CAPS2: variants seen among roughly 807,000 people sequenced by gnomAD.
CAPS2 encodes calcyphosine 2.
CAPS2 carries 98 observed loss-of-function variants against 86.5 expected under a neutral mutation model. The observed-to-expected ratio is 1.13, with a 90% CI of 0.96 to 1.34. The LOEUF is 1.34. Ranked by LOEUF, CAPS2 falls within the 40% of genes most tolerant of loss-of-function variation. The pLI, the probability that CAPS2 is intolerant of heterozygous loss-of-function variation, is 0.00. For synonymous variants in CAPS2, 210 were observed against 225.1 expected (o/e 0.93, Z 0.60); for missense variants, 729 against 686.8 (o/e 1.06, Z -0.69).
At position 75,364,651 on chromosome 12, in the gene CAPS2, C is replaced by T. The variant is rs565690407; in HGVS notation, c.-395+26187G>A. On this transcript the variant is annotated intron_variant, in intron 1 of 5. Transcript: ENST00000551829. ...AATTAACTTATCTTTAACTTCTATA[C>T]ATTGAGCTGCTGTAATCTTGGTTTT... is the stretch of plus-strand genomic sequence containing the variant. Among the ~76,000 whole-genome samples the T allele has an allele frequency of 3.3e-5, 5 of 152,322 alleles. No homozygotes were observed. The South Asian group carries it at 8.3e-4, about 25-fold the overall frequency.
chr12:75,331,369 G>T (rs1351884580), upstream of CAPS2, among the ~76,000 whole-genome samples: 1 of 151,984 alleles, frequency 6.6e-6, no homozygotes. Flanking sequence ...AGTATTTCCT[G>T]GTGCAAATTT....
intron 4 of CAPS2, chr12:75,322,969 C>T (rs2139024790): frequency 1.4e-6 from 2 of 1,396,140 alleles, no homozygotes; most frequent in Middle Eastern, 3.5e-4. Flanking sequence ...CAAATAAATA[C>T]TAACCAATTT....
At chr12:75,276,617 T>C, downstream of CAPS2, 1 of 898,800 alleles carries the variant, frequency 1.1e-6, no homozygotes, top group Non-Finnish European at 1.3e-6. Context: ...TAGCTTAAAA[T>C]TCCTATATAA....
intron 15 of CAPS2, 81 bp downstream of exon 15, chr12:75,284,880 G>T: frequency 1.6e-6 from 2 of 1,253,740 alleles, no homozygotes; most frequent in Non-Finnish European, 1.1e-6. Context: ...ACTTTTAAAT[G>T]GTAATTCATT....
intron 1 of CAPS2, among the ~76,000 whole-genome samples, chr12:75,326,214 T>G (rs1015541108): frequency 2.6e-5 from 4 of 152,160 alleles, no homozygotes; most frequent in Admixed American, 6.6e-5. Flanking sequence ...ACAATAAGTT[T>G]AATTTTAAAA....
intron 1 of CAPS2, among the ~76,000 whole-genome samples, chr12:75,377,466 A>T (rs962532066): frequency 1.9e-4 from 29 of 152,194 alleles, no homozygotes; most frequent in African/African-American, 7.0e-4. Context: ...AAAAGTCAGG[A>T]AGCCCACAAT....
At chr12:75,290,778 C>T (rs541534491) in intron 13 of CAPS2, among the ~76,000 whole-genome samples, 1 of 151,604 alleles carries the variant, frequency 6.6e-6, no homozygotes, top group Non-Finnish European at 1.5e-5. Context: ...AAGATTTAGC[C>T]GGGTGTGGTG....
At chr12:75,353,370 T>C (rs888519482) in intron 1 of CAPS2, among the ~76,000 whole-genome samples, 3 of 152,218 alleles carry the variant, frequency 2.0e-5, no homozygotes, top group East Asian at 1.9e-4. Context: ...TAAACACCTC[T>C]GTGCAAATCA....
intron 9 of CAPS2, among the ~76,000 whole-genome samples, chr12:75,299,282 G>C (rs531816905): frequency 1.2e-4 from 18 of 152,206 alleles, no homozygotes; most frequent in South Asian, 4.1e-4. Context: ...TTGCAAGAAG[G>C]CACCCATAGA....
intron 6 of CAPS2, among the ~76,000 whole-genome samples, chr12:75,314,645 G>A (rs1270049122): frequency 6.6e-6 from 1 of 152,064 alleles, no homozygotes; most frequent in African/African-American, 2.4e-5. Context: ...ATATCTAAGA[G>A]TGATTCATAA....
At chr12:75,316,753 A>G (rs368412045) in intron 5 of CAPS2, among the ~76,000 whole-genome samples, 3 of 152,184 alleles carry the variant, frequency 2.0e-5, no homozygotes, top group African/African-American at 7.2e-5. Flanking sequence ...AGCATTAAAT[A>G]AAAGTTAGCA....
chr12:75,363,154 T>C, intron 1 of CAPS2: 2 of 1,552,118 alleles, frequency 1.3e-6, no homozygotes, highest in Non-Finnish European at 1.7e-6. Flanking sequence ...TTGCTCTCTC[T>C]GCTCAAAAGA....
At chr12:75,358,692 T>G (rs962628322) in intron 1 of CAPS2, among the ~76,000 whole-genome samples, 3 of 147,084 alleles carry the variant, frequency 2.0e-5, no homozygotes, top group Non-Finnish European at 4.5e-5. Flanking sequence ...TTGTGTTTCT[T>G]TTTGTTTTGC....
chr12:75,334,691 C>T (rs954892025), upstream of CAPS2: 9 of 1,591,730 alleles, frequency 5.7e-6, no homozygotes, highest in Non-Finnish European at 3.4e-6. Flanking sequence ...TACTGGTCCG[C>T]GCAGTCAGGG....
At chr12:75,337,418 A>C (rs1408404779) in intron 1 of CAPS2, among the ~76,000 whole-genome samples, 3 of 151,918 alleles carry the variant, frequency 2.0e-5, no homozygotes, top group African/African-American at 7.2e-5. Context: ...ATCACTTTTA[A>C]AAAACTCCAC....
intron 1 of CAPS2, among the ~76,000 whole-genome samples, chr12:75,362,882 TAG>T (rs1235284746): frequency 6.6e-5 from 10 of 152,282 alleles, no homozygotes; most frequent in African/African-American, 2.4e-4. Context: ...TATTCTTCTA[TAG>T]AATATTCAAG....
At chr12:75,293,451 G>T (rs2036358651) in intron 11 of CAPS2, 84 bp from the exon 12 acceptor site, 1 of 850,596 alleles carries the variant, frequency 1.2e-6, no homozygotes, top group South Asian at 1.5e-5. Flanking sequence ...AATGGATTTT[G>T]ATTAATGTGA....
intron 1 of CAPS2, among the ~76,000 whole-genome samples, chr12:75,364,120 C>G (rs1393743497): frequency 1.3e-5 from 2 of 152,198 alleles, no homozygotes; most frequent in Non-Finnish European, 2.9e-5. Flanking sequence ...TGTTTCTTAT[C>G]AGATTGAAAG....
upstream of CAPS2, among the ~76,000 whole-genome samples, chr12:75,332,804 T>A (rs1011335963): frequency 6.6e-6 from 1 of 152,106 alleles, no homozygotes; most frequent in Non-Finnish European, 1.5e-5. Flanking sequence ...AGAAGGCAGA[T>A]GTTAAAAAAA....
Sources: gnomAD v4.1 joint callset for allele counts (sites outside exome capture counted in the v4.1 genomes callset) on GRCh38, gnomAD v4.1.1 for gene constraint, MANE v1.5 for transcripts, NCBI Gene and HGNC (gene_info 2026-07-23, HGNC 2026-07-21) for gene names.